The following FN1 variants were observed in gnomAD, a reference collection of about 807,000 sequenced individuals.
The protein encoded by FN1 is fibronectin 1.
FN1 carries 106 observed loss-of-function variants against 297.3 expected under a neutral mutation model. That is an observed-to-expected ratio of 0.36 (90% CI 0.30 to 0.42). The LOEUF (loss-of-function observed/expected upper bound fraction) is 0.42, where lower values mean the gene tolerates loss of function less well. Among genes scored for constraint, FN1 ranks in the 10% least tolerant of loss-of-function variants. The pLI is 1.00. For missense variants in FN1, 2,690 were observed against 3,124.9 expected, an observed-to-expected ratio of 0.86 and a Z score of 3.32; for synonymous variants, 1,149 against 1,152.6, an observed-to-expected ratio of 1.00 and a Z score of 0.06.
chr2:215,373,563 A>G lies in FN1; in HGVS notation c.6158-152T>C, dbSNP rs189811639. 772 of 684,176 alleles carry G rather than the reference A, an allele frequency of 1.1e-3. 2 individuals are homozygous for G. The highest frequency in any genetic ancestry group is 9.1e-3 in the Middle Eastern group (31 of 3,420). 42.4% of individuals were successfully genotyped at this position (684,176 alleles called of 1,614,324 possible). A position where few individuals can be genotyped will look rare whatever the true frequency, so the allele number is the denominator to read the frequency against. ...GTAAAATCGACTTCACTTTTCCTCC[A>G]TAAACACCCAAATATCCTGCATATA... On this transcript the variant is annotated intron_variant, in intron 38 of 45. Coordinates refer to ENST00000354785, the MANE Select transcript of FN1 (RefSeq NM_212482.4).
chr2:215,386,875 T>C lies in FN1; in HGVS notation c.4426A>G (p.Ile1476Val). ...TGATGGCGGATCCTGTAGCCAGTGA[T>C]GGTGGCTCGAGGAGCAATCCAGTGC... ...TVHWIAPRAT[I>V]TGYRIRHHPE... Residue 1476 changes from isoleucine (I) to valine (V), a missense_variant, in exon 28 of 46, where the codon ATC (isoleucine) becomes GTC (valine). This residue lies in a region of FN1 where 1,743 missense variants were observed against 1,945.2 expected (regional missense o/e 0.90). Coordinates refer to ENST00000354785, the MANE Select transcript of FN1 (RefSeq NM_212482.4). 5 of 1,613,852 alleles carry C rather than the reference T, an allele frequency of 3.1e-6. No homozygotes were observed. The highest frequency in any genetic ancestry group is 3.4e-6 in the Non-Finnish European group (4 of 1,179,916).
At chr2:215,428,452 C>T in intron 5 of FN1, 114 bp from the exon 6 acceptor site, 1 of 895,526 alleles carries the variant, frequency 1.1e-6, no homozygotes, top group East Asian at 2.5e-5. Flanking sequence ...GTAATATGTT[C>T]ATATTCAGCT....
intron 6 of FN1, among the ~76,000 whole-genome samples, chr2:215,425,657 A>G (rs998889363): frequency 3.3e-5 from 5 of 152,010 alleles, no homozygotes; most frequent in Admixed American, 1.3e-4. Flanking sequence ...GGTTCAAGCT[A>G]TTCTCCTGCC....
chr2:215,429,411 G>A (rs1050109684), intron 5 of FN1, among the ~76,000 whole-genome samples: 3 of 152,134 alleles, frequency 2.0e-5, no homozygotes, highest in Admixed American at 1.3e-4. Context: ...TCTGTGCCAC[G>A]ATGTGAGTAT....
At chr2:215,392,248 T>C in intron 25 of FN1, 1 of 212,258 alleles carries the variant, frequency 4.7e-6, no homozygotes, top group South Asian at 7.3e-5. Flanking sequence ...TATCTAGAGC[T>C]ACAGTTCCAT....
At chr2:215,393,648 G>A (rs1392917127) in intron 24 of FN1, 1 of 152,120 alleles carries the variant, frequency 6.6e-6, no homozygotes, top group Non-Finnish European at 1.5e-5. Flanking sequence ...AATAATAAAT[G>A]GGTGATAAAT....
At chr2:215,385,568 A>AG (rs146234577) in intron 28 of FN1, among the ~76,000 whole-genome samples, 256 of 37,926 alleles carry the variant, frequency 6.7e-3, no homozygotes, top group East Asian at 0.056. Flanking sequence ...TTTCAGGAAG[A>AG]AAAAAAAAAA....
rs754863229 is a variant in FN1, at chr2:215,425,292, G to A, written c.845-7C>T. On this transcript the variant is annotated splice_region_variant and splice_polypyrimidine_tract_variant and intron_variant, in intron 6 of 45. Coordinates refer to ENST00000354785, the MANE Select transcript of FN1 (RefSeq NM_212482.4). ...TCGGTGAAGGGGCCAGATCCTAATG[G>A]CATGAAAAGGGAATGTCACAAAACT... 6.2e-7 allele frequency: 1 copy of A among 1,613,560 alleles called. No homozygotes were observed. Among genetic ancestry groups the A allele is most frequent in the African/African-American group, 1.3e-5 (1 of 74,872 alleles).
At chr2:215,373,212 A>T in intron 39 of FN1, 110 bp downstream of exon 39, 1 of 852,502 alleles carries the variant, frequency 1.2e-6, no homozygotes, top group South Asian at 1.3e-5. Flanking sequence ...AGATAAAAAA[A>T]ATCACAAGAA....
In FN1 at chr2:215,370,386, G is replaced by A; in HGVS notation, c.6761C>T (p.Thr2254Ile). ...TATGACGTTGTAGGTGGCACCTCTG[G>A]TGAGGCCTGTCAGAGTGGCACTGGT... ...TSTSATLTGL[T>I]RGATYNVIVE... Residue 2254 changes from threonine (T) to isoleucine (I), a missense_variant, in exon 41 of 46, where the codon ACC becomes ATC. Coordinates refer to ENST00000354785, the MANE Select transcript of FN1 (RefSeq NM_212482.4). 6.2e-7 allele frequency: 1 copy of A among 1,613,738 alleles called. No individual in the cohort carries two copies. The highest frequency in any genetic ancestry group is 2.2e-5 in the East Asian group (1 of 44,856).
In FN1 at chr2:215,372,087, T is replaced by G; in HGVS notation, c.6536A>C (p.His2179Pro). 1 of 1,614,246 alleles carries G rather than the reference T, an allele frequency of 6.2e-7. No homozygotes were observed. The highest frequency in any genetic ancestry group is 8.5e-7 in the Non-Finnish European group (1 of 1,180,040). Residue 2179 changes from histidine (H) to proline (P), a missense_variant, in exon 40 of 46, where the codon CAC becomes CCC. Physicochemically the swap from His to Pro is moderately conservative, Grantham distance 77. Transcript: ENST00000354785. Reference protein sequence around the residue: ...PNVGEEIQIGHIPREDVDYHL... With the variant: ...PNVGEEIQIGPIPREDVDYHL... ...ATAGTCTACATCTTCCCTGGGGATG[T>G]GACCAATTTGGATTTCCTCACCTAC...
At chr2:215,401,292 G>A (rs1395921665) in intron 20 of FN1, among the ~76,000 whole-genome samples, 5 of 123,244 alleles carry the variant, frequency 4.1e-5, no homozygotes, top group Non-Finnish European at 6.8e-5. Context: ...GAAGAAAAGA[G>A]AGAGAGAGAA....
rs1207361245 is a variant in FN1 at position 215,371,892 on chromosome 2, A to C, written c.6714+17T>G. 6.3e-7 allele frequency: 1 copy of C among 1,594,744 alleles called. No homozygotes were observed. The highest frequency in any genetic ancestry group is 2.2e-5 in the East Asian group (1 of 44,782). Reference sequence around the variant, plus strand: ...TTCTGTGCTGCCCCATGAGAAGTGAAGAGAACAATTAATTACCTGTAAGGG... The same window carrying C: ...TTCTGTGCTGCCCCATGAGAAGTGACGAGAACAATTAATTACCTGTAAGGG... On this transcript the variant is annotated intron_variant, in intron 40 of 45. Transcript: ENST00000354785.
At chr2:215,383,959 C>T (rs2058562917) in intron 30 of FN1, 61 bp downstream of exon 30, 1 of 1,562,808 alleles carries the variant, frequency 6.4e-7, no homozygotes, top group Non-Finnish European at 8.8e-7. Flanking sequence ...CTTGGGAGAA[C>T]ATTGCAAAAC....
At chr2:215,401,232 AAGAAAGAAAGAAAGAAAGG>A (rs2061028952) in intron 20 of FN1, among the ~76,000 whole-genome samples, 3 of 67,050 alleles carry the variant, frequency 4.5e-5, no homozygotes, top group Admixed American at 1.4e-4. Flanking sequence ...GAAAGAAAGA[AAGAAAGAAAGAAAGAAAGG>A]AAGAAAGAAA....
rs5838504 is a variant in FN1 at position 215,386,568 on chromosome 2, ATTTTTTTTTTTT to A, written c.4612+109_4612+120del. ...TCTCCATGTACCATGACAATGATCT[ATTTTTTTTTTTT>A]TTTTTTTTTTTTTTGAGAGCTGATG... is the stretch of plus-strand genomic sequence containing the variant. On this transcript the variant is annotated intron_variant, in intron 28 of 45. Transcript: ENST00000354785. 7.5e-3 allele frequency: 2,517 copies of A among 337,226 alleles called. 16 individuals carry two copies. Among genetic ancestry groups the A allele is most frequent in the Non-Finnish European group, 9.1e-3 (1,747 of 192,314 alleles). 20.9% of individuals were successfully genotyped at this position (337,226 alleles called of 1,614,324 possible). A position where few individuals can be genotyped will look rare whatever the true frequency, so the allele number is the denominator to read the frequency against.
chr2:215,394,475 C>G (rs1334119630), intron 24 of FN1, 53 bp downstream of exon 24: 10 of 1,407,002 alleles, frequency 7.1e-6, no homozygotes, highest in Non-Finnish European at 9.1e-6. Context: ...GATGCTAATC[C>G]CCACTCTTAT....
Position 215,408,368 on chromosome 2 carries a change from G to GT in FN1, c.2357dup (p.Tyr786Ter). The part of the protein sequence containing the change: ...NIPDLLPGRK[Y>*]IVNVYQISED... ...CAGATATCTGATAGACATTTACAAT[G>GT]TATTTTCGGCCAGGAAGCAGGTCAG... Residue 786 changes from tyrosine (Y) to a stop codon, truncating the protein, a stop_gained and frameshift_variant, in exon 16 of 46, where the codon TAC (tyrosine) becomes TAAC (stop). Coordinates refer to ENST00000354785, the MANE Select transcript of FN1 (RefSeq NM_212482.4). LOFTEE classifies it high-confidence loss of function. 2 of 1,614,020 alleles carry GT rather than the reference G, an allele frequency of 1.2e-6. No homozygotes were observed. Among genetic ancestry groups the GT allele is most frequent in the Non-Finnish European group, 1.7e-6 (2 of 1,179,908 alleles).
chr2:215,408,658 T>C (rs907274904), intron 15 of FN1, among the ~76,000 whole-genome samples: 2 of 152,032 alleles, frequency 1.3e-5, no homozygotes, highest in African/African-American at 4.8e-5. Flanking sequence ...TCCTCTACCT[T>C]TCCGGTTCAA....
Sources: allele counts gnomAD v4.1 joint callset (sites outside exome capture counted in the v4.1 genomes callset), GRCh38; gene constraint gnomAD v4.1.1; regional missense constraint gnomAD v4.1.1; transcripts MANE v1.5; gene names NCBI Gene and HGNC (gene_info 2026-07-23, HGNC 2026-07-21).